The following CACNA2D3 variants were observed in gnomAD, a reference collection of about 807,000 sequenced individuals.
CACNA2D3 encodes voltage-dependent calcium channel subunit alpha-2/delta-3.
In CACNA2D3, 60 loss-of-function variants were observed where a neutral mutation model predicts 160.6. That is an observed-to-expected ratio of 0.37 (90% CI 0.30 to 0.46). The LOEUF is 0.46. Ranked by LOEUF, CACNA2D3 falls within the 20% of genes least tolerant of loss-of-function variation. CACNA2D3 has a pLI of 1.00. For synonymous variants in CACNA2D3, 558 were observed against 492.9 expected, an observed-to-expected ratio of 1.13 and a Z score of -1.75; for missense variants, 1,205 against 1,365.0, an observed-to-expected ratio of 0.88 and a Z score of 1.85.
At chr3:54,235,667 C>T (rs1486918940) in intron 2 of CACNA2D3, among the ~76,000 whole-genome samples, 3 of 152,150 alleles carry the variant, frequency 2.0e-5, no homozygotes, top group African/African-American at 7.2e-5. Flanking sequence ...CATATCAGCT[C>T]CCAGTGGCCA....
At chr3:54,810,574 G>A (rs939236441) in intron 13 of CACNA2D3, among the ~76,000 whole-genome samples, 25 of 152,194 alleles carry the variant, frequency 1.6e-4, no homozygotes, top group African/African-American at 5.3e-4. Flanking sequence ...CATGAGGCCC[G>A]AGGCAAAGGG....
intron 11 of CACNA2D3, among the ~76,000 whole-genome samples, chr3:54,742,376 C>T (rs565861822): frequency 1.3e-5 from 2 of 152,186 alleles, no homozygotes; most frequent in East Asian, 3.9e-4. Flanking sequence ...TGTGATCGAG[C>T]CACTGCACTC....
At chr3:54,214,693 A>G (rs1360387078) in intron 2 of CACNA2D3, among the ~76,000 whole-genome samples, 1 of 152,190 alleles carries the variant, frequency 6.6e-6, no homozygotes, top group Non-Finnish European at 1.5e-5. Context: ...GCCCCAGCAC[A>G]GTCAGGAAGA....
intron 4 of CACNA2D3, among the ~76,000 whole-genome samples, chr3:54,445,161 G>A (rs557238031): frequency 2.6e-5 from 4 of 152,342 alleles, no homozygotes; most frequent in Non-Finnish European, 4.4e-5. Flanking sequence ...GCAGGGGATG[G>A]GGCTGGGACA....
intron 35 of CACNA2D3, among the ~76,000 whole-genome samples, chr3:55,031,109 T>G (rs1408015636): frequency 2.0e-5 from 3 of 152,132 alleles, no homozygotes; most frequent in Admixed American, 1.3e-4. Context: ...CAAGGAATAT[T>G]TTTAGAATGT....
At chr3:54,649,358 C>G (rs937058482) in intron 11 of CACNA2D3, among the ~76,000 whole-genome samples, 15 of 152,214 alleles carry the variant, frequency 9.9e-5, no homozygotes, top group Admixed American at 9.8e-4. Flanking sequence ...CAGAATTTCA[C>G]AGCTTTCAGG....
intron 4 of CACNA2D3, among the ~76,000 whole-genome samples, chr3:54,456,671 T>C (rs929776088): frequency 6.6e-6 from 1 of 152,108 alleles, no homozygotes; most frequent in East Asian, 1.9e-4. Context: ...TGGAAATAAT[T>C]TGAGAAGAAT....
chr3:54,393,852 G>A (rs192310731), intron 4 of CACNA2D3, among the ~76,000 whole-genome samples: 1 of 152,338 alleles, frequency 6.6e-6, no homozygotes, highest in East Asian at 1.9e-4. Flanking sequence ...CCCTAGAACT[G>A]GACTGTCCTT....
rs896407041 is a variant in CACNA2D3, at chr3:54,627,839, A to T, written c.1016A>T (p.Asp339Val). The stretch of plus-strand genomic sequence containing the variant: ...TTCGCCAAAGGAATTGGAATGTTGG[A>T]TATAGCTCTGAATGAGGCCTTCAAC... ...KLFAKGIGML[D>V]IALNEAFNIL... The change falls in exon 10 of 38, where the codon GAT (aspartate) becomes GTT (valine). Residue 339 changes from aspartate (D) to valine (V), a missense_variant. Asp to Val is a radical substitution (Grantham distance 152). Around this residue, in one of 3 missense-constraint regions of CACNA2D3, gnomAD observed 911 missense variants for 1,002.2 expected, o/e 0.91. Transcript: ENST00000474759. 1 of 1,610,038 alleles carries T rather than the reference A, an allele frequency of 6.2e-7. No homozygotes were observed. Among genetic ancestry groups the T allele is most frequent in the Non-Finnish European group, 8.5e-7 (1 of 1,178,160 alleles).
intron 35 of CACNA2D3, among the ~76,000 whole-genome samples, chr3:55,028,234 A>C (rs543508650): frequency 2.0e-5 from 3 of 152,224 alleles, no homozygotes; most frequent in African/African-American, 7.2e-5. Flanking sequence ...TGTCTATAGC[A>C]TAGACAGATC....
rs552209993 is a variant in CACNA2D3, at chr3:54,971,888, G to T, written c.2556+2044G>T. Among the ~76,000 whole-genome samples, 14 of 152,150 alleles carry T rather than the reference G, an allele frequency of 9.2e-5. No individual in the cohort carries two copies. In the East Asian group the frequency reaches 2.7e-3, roughly 29 times the overall value. ...CCTCAGTTTTCTCAACTATACAATG[G>T]GGATAGAAATATCCACCTCACAGAG... On this transcript the variant is annotated intron_variant, in intron 29 of 37. Transcript: ENST00000474759.
chr3:54,725,962 G>A (rs766487755), intron 11 of CACNA2D3, among the ~76,000 whole-genome samples: 6 of 152,098 alleles, frequency 3.9e-5, no homozygotes, highest in Non-Finnish European at 7.4e-5. Flanking sequence ...AGGAAGAGAG[G>A]AAGTCAAATG....
Position 54,838,635 on chromosome 3 carries a change from T to C in CACNA2D3, c.1538T>C (p.Ile513Thr). 2.5e-6 allele frequency: 4 copies of C among 1,611,084 alleles called. No individual in the cohort carries two copies. The highest frequency in any genetic ancestry group is 3.4e-6 in the Non-Finnish European group (4 of 1,177,266). The change falls in exon 16 of 38, where the codon ATC becomes ACC. Residue 513 changes from isoleucine (I) to threonine (T), a missense_variant. By Grantham distance (89) the Ile-to-Thr change is moderately conservative. This residue lies in a region of CACNA2D3 where 911 missense variants were observed against 1,002.2 expected (regional missense o/e 0.91). Transcript: ENST00000474759. ...DVPVKELLKT[I>T]PKYKLGIHGY... ...CCAGTGAAAGAACTTCTGAAGACCA[T>C]CCCCAAATACAAGGTAATGAATGAC...
intron 25 of CACNA2D3, 112 bp downstream of exon 25, chr3:54,891,562 C>CTGGGGTGGCCTA: frequency 1.2e-6 from 1 of 804,408 alleles, no homozygotes; most frequent in Non-Finnish European, 2.0e-6. Flanking sequence ...TAATTTAGGC[C>CTGGGGTGGCCTA]ACCCCAGGCC....
chr3:54,834,318 T>C (rs549332921), intron 14 of CACNA2D3, among the ~76,000 whole-genome samples: 27 of 152,346 alleles, frequency 1.8e-4, no homozygotes, highest in African/African-American at 6.5e-4. Context: ...TGCGGAGTTA[T>C]GGATCAGCTC....
intron 4 of CACNA2D3, among the ~76,000 whole-genome samples, chr3:54,440,668 G>A (rs988506478): frequency 1.3e-5 from 2 of 152,034 alleles, no homozygotes; most frequent in Admixed American, 6.6e-5. Flanking sequence ...CCTGGTGTGC[G>A]ATATTCCCCT....
At chr3:54,766,500 T>C (rs1012027793) in intron 13 of CACNA2D3, among the ~76,000 whole-genome samples, 3 of 152,200 alleles carry the variant, frequency 2.0e-5, no homozygotes, top group Non-Finnish European at 4.4e-5. Context: ...AAAGGGACAC[T>C]CTTATTCATT....
At chr3:54,682,536 G>T (rs190504679) in intron 11 of CACNA2D3, among the ~76,000 whole-genome samples, 1 of 152,242 alleles carries the variant, frequency 6.6e-6, no homozygotes, top group Admixed American at 6.5e-5. Context: ...TGAGGCACAA[G>T]AATCGCTTGA....
At chr3:54,818,646 G>A in intron 14 of CACNA2D3, among the ~76,000 whole-genome samples, 1 of 152,174 alleles carries the variant, frequency 6.6e-6, no homozygotes, top group Admixed American at 6.5e-5. Flanking sequence ...TATTATTGTG[G>A]TCATATAAAA....
Sources: gnomAD v4.1 joint callset for allele counts (sites outside exome capture counted in the v4.1 genomes callset) on GRCh38, gnomAD v4.1.1 for gene constraint, gnomAD v4.1.1 regional missense constraint, MANE v1.5 for transcripts, NCBI Gene and HGNC (gene_info 2026-07-23, HGNC 2026-07-21) for gene names.